The following FBXO21 variants were observed in gnomAD, a reference collection of about 807,000 sequenced individuals.
FBXO21 encodes the protein F-box protein 21, also known as F-box only protein 21.
Under a neutral mutation model 76.6 loss-of-function variants are expected in FBXO21, and 32 were observed. The ratio of observed to expected loss-of-function variants is 0.42; its 90% CI spans 0.32 to 0.56. The LOEUF (loss-of-function observed/expected upper bound fraction) is 0.56, where lower values mean the gene tolerates loss of function less well. Among genes scored for constraint, FBXO21 ranks in the 20% least tolerant of loss-of-function variants. The probability of loss-of-function intolerance (pLI) is 0.16; values close to 1 mark genes in which losing one functional copy is unlikely to be tolerated. For missense variants in FBXO21, 586 were observed against 797.3 expected (o/e 0.73, Z 3.19); for synonymous variants, 328 against 311.5 (o/e 1.05, Z -0.56).
chr12:117,170,144 T>TG (rs1392854112), intron 7 of FBXO21, among the ~76,000 whole-genome samples: 1 of 59,966 alleles, frequency 1.7e-5, no homozygotes, highest in South Asian at 6.0e-4. Context: ...CATTTACAAC[T>TG]GAAAAAAAAA....
intron 2 of FBXO21, chr12:117,188,944 T>C: frequency 3.1e-6 from 1 of 324,314 alleles, no homozygotes; most frequent in Non-Finnish European, 5.7e-6. Context: ...GAAATAATGC[T>C]GATCTGGACT....
At chr12:117,182,804 C>T (rs1012328644) in intron 3 of FBXO21, among the ~76,000 whole-genome samples, 3 of 151,936 alleles carry the variant, frequency 2.0e-5, no homozygotes, top group Non-Finnish European at 2.9e-5. Context: ...CTCAAGTGAT[C>T]AACCCGCCTC....
chr12:117,162,644 T>G (rs1368533982), intron 9 of FBXO21, among the ~76,000 whole-genome samples: 1 of 152,204 alleles, frequency 6.6e-6, no homozygotes, highest in Non-Finnish European at 1.5e-5. Flanking sequence ...CTGATTTAAT[T>G]CAATCAATAA....
chr12:117,188,043 C>T (rs1956301504), intron 2 of FBXO21, among the ~76,000 whole-genome samples: 1 of 152,158 alleles, frequency 6.6e-6, no homozygotes, highest in Non-Finnish European at 1.5e-5. Context: ...GCCTTGAAAA[C>T]ATTTCAAATT....
intron 9 of FBXO21, among the ~76,000 whole-genome samples, chr12:117,160,612 T>C (rs949723027): frequency 1.3e-5 from 2 of 152,170 alleles, no homozygotes; most frequent in Non-Finnish European, 2.9e-5. Flanking sequence ...TCTTTATTCA[T>C]ATCTAATGAA....
chr12:117,190,258 G>T lies in FBXO21; in HGVS notation c.199C>A (p.Gln67Lys). The T allele has an allele frequency of 6.5e-7, 1 of 1,546,272 alleles. No homozygotes were observed. ...TCCTTCCACACCTTCCCGCTGCTCT[G>T]GCACAGCTCGCGCAGCCGCCGGCAG... ...STCRRLRELCQSSGKVWKEQF... is the reference protein window; with the variant it reads ...STCRRLRELCKSSGKVWKEQF... The change falls in exon 1 of 12, where the codon CAG becomes AAG. Residue 67 changes from glutamine (Q) to lysine (K), a missense_variant. By Grantham distance (53) the Gln-to-Lys change is moderately conservative. Around this residue, in one of 6 missense-constraint regions of FBXO21, gnomAD observed 152 missense variants for 127.2 expected, o/e 1.19. Transcript: ENST00000622495.
chr12:117,184,948 C>T (rs956111658), intron 3 of FBXO21, among the ~76,000 whole-genome samples: 2 of 152,048 alleles, frequency 1.3e-5, no homozygotes, highest in Non-Finnish European at 2.9e-5. Flanking sequence ...ATACTCATCA[C>T]TGTCAGCAAG....
chr12:117,176,654 G>A (rs1356397628), intron 4 of FBXO21, among the ~76,000 whole-genome samples: 2 of 152,154 alleles, frequency 1.3e-5, no homozygotes, highest in Non-Finnish European at 2.9e-5. Flanking sequence ...TTGTTGCCAG[G>A]AGAGGTGGCC....
intron 9 of FBXO21, among the ~76,000 whole-genome samples, chr12:117,162,780 C>T (rs1377755742): frequency 6.6e-6 from 1 of 152,186 alleles, no homozygotes; most frequent in East Asian, 1.9e-4. Context: ...AAATACACCT[C>T]AAACTGCACA....
intron 9 of FBXO21, among the ~76,000 whole-genome samples, chr12:117,161,301 C>T (rs1273631624): frequency 6.6e-6 from 1 of 152,050 alleles, no homozygotes; most frequent in Non-Finnish European, 1.5e-5. Context: ...CAAGACAGTG[C>T]AGGCACACAG....
At position 117,142,512 on chromosome 12, in the gene FBXO21, AT is replaced by A. The variant is rs2135834802; in HGVS notation, c.*3574del. The stretch of plus-strand genomic sequence containing the variant: ...TTACTATCTGCGTCTGCTTTATAGG[AT>A]TGCTGGGAGGATTACAAAGACTTTA... On this transcript the variant is annotated 3_prime_UTR_variant, in exon 12 of 12. Coordinates refer to ENST00000622495, the MANE Select transcript of FBXO21 (RefSeq NM_015002.3). The A allele has an allele frequency of 6.6e-6, 1 of 152,282 alleles. No individual in the cohort carries two copies. The highest frequency in any genetic ancestry group is 2.4e-5 in the African/African-American group (1 of 41,548). 9.4% of individuals were successfully genotyped at this position (152,282 alleles called of 1,614,324 possible).
chr12:117,174,505 C>A (rs2135874470), intron 5 of FBXO21, 146 bp downstream of exon 5: 1 of 1,177,542 alleles, frequency 8.5e-7, no homozygotes, highest in Non-Finnish European at 1.2e-6. Flanking sequence ...GTTTTAGGTT[C>A]AACACTTCAA....
intron 2 of FBXO21, among the ~76,000 whole-genome samples, chr12:117,187,709 A>G (rs1956297737): frequency 6.6e-6 from 1 of 152,246 alleles, no homozygotes; most frequent in African/African-American, 2.4e-5. Context: ...ACAGAGGCAC[A>G]GACTGTTCAA....
intron 7 of FBXO21, 93 bp from the exon 8 acceptor site, chr12:117,167,170 G>A (rs1170206837): frequency 3.6e-5 from 33 of 928,858 alleles, no homozygotes; most frequent in Admixed American, 4.5e-5. Context: ...TGAAGGTTGA[G>A]ACCATAACAT....
intron 6 of FBXO21, 43 bp from the exon 7 acceptor site, chr12:117,172,650 A>G: frequency 6.3e-7 from 1 of 1,589,300 alleles, no homozygotes; most frequent in African/African-American, 1.3e-5. Context: ...GATGAACTAT[A>G]CGTTCTCATT....
At chr12:117,151,799 T>C (rs887384776) in intron 11 of FBXO21, among the ~76,000 whole-genome samples, 19 of 152,064 alleles carry the variant, frequency 1.2e-4, no homozygotes, top group African/African-American at 4.6e-4. Flanking sequence ...TTCATTGAAG[T>C]AGAGAGAATA....
At chr12:117,189,669 C>T (rs762972191) in intron 1 of FBXO21, among the ~76,000 whole-genome samples, 50 of 151,984 alleles carry the variant, frequency 3.3e-4, no homozygotes, top group Non-Finnish European at 5.7e-4. Flanking sequence ...CGGGGCCCTG[C>T]GTGCGTGCCT....
At position 117,174,421 on chromosome 12, in the gene FBXO21, A is replaced by T. The variant is rs148225973; in HGVS notation, c.740-80T>A. On this transcript the variant is annotated intron_variant, in intron 5 of 11. Transcript: ENST00000622495. ...GCCCCAAACAACTCACAACATGAAGACATTGGCAATGGCCTAACAATATTA... is the reference window on the plus strand; with the variant it reads ...GCCCCAAACAACTCACAACATGAAGTCATTGGCAATGGCCTAACAATATTA... The T allele has an allele frequency of 1.8e-5, 27 of 1,476,384 alleles. No homozygotes were observed. The African/African-American group carries it at 3.7e-4, about 20-fold the overall frequency. 91.5% of individuals were successfully genotyped at this position (1,476,384 alleles called of 1,614,324 possible).
At position 117,145,298 on chromosome 12, in the gene FBXO21, T is replaced by C. The variant is rs1955757284; in HGVS notation, c.*789A>G. ...AAAGTAGTCATTTAAAATGGAGGAATTGTAGATGAGTATGGAAAAATCCAT... is the reference window on the plus strand; with the variant it reads ...AAAGTAGTCATTTAAAATGGAGGAACTGTAGATGAGTATGGAAAAATCCAT... On this transcript the variant is annotated 3_prime_UTR_variant, in exon 12 of 12. Transcript: ENST00000622495. 1 of 152,080 alleles carries C rather than the reference T, an allele frequency of 6.6e-6. No individual in the cohort carries two copies. Among genetic ancestry groups the C allele is most frequent in the South Asian group, 2.1e-4 (1 of 4,824 alleles). 9.4% of individuals were successfully genotyped at this position (152,080 alleles called of 1,614,324 possible). A position where few individuals can be genotyped will look rare whatever the true frequency, so the allele number is the denominator to read the frequency against.
Sources: allele counts gnomAD v4.1 joint callset (sites outside exome capture counted in the v4.1 genomes callset), GRCh38; gene constraint gnomAD v4.1.1; regional missense constraint gnomAD v4.1.1; transcripts MANE v1.5; gene names NCBI Gene and HGNC (gene_info 2026-07-23, HGNC 2026-07-21).